Variants in BCAS3 observed in about 807,000 individuals in gnomAD.
BCAS3 encodes BCAS4/BCAS3 fusion.
Under a neutral mutation model 116.1 loss-of-function variants are expected in BCAS3, and 53 were observed. The ratio of observed to expected loss-of-function variants is 0.46; its 90% CI spans 0.37 to 0.57. The LOEUF is 0.57. Among genes scored for constraint, BCAS3 ranks in the 20% least tolerant of loss-of-function variants. BCAS3 has a pLI of 0.00. For synonymous variants in BCAS3, 391 were observed against 408.2 expected, an observed-to-expected ratio of 0.96 and a Z score of 0.51; for missense variants, 917 against 1,165.4, an observed-to-expected ratio of 0.79 and a Z score of 3.10.
chr17:60,869,008 T>A (rs1403885233), intron 8 of BCAS3, among the ~76,000 whole-genome samples: 1 of 152,346 alleles, frequency 6.6e-6, no homozygotes, highest in East Asian at 1.9e-4. Context: ...TGTAGCTTTT[T>A]ATATGTATTT....
At chr17:61,091,471 G>A (rs2143592994) in intron 22 of BCAS3, among the ~76,000 whole-genome samples, 1 of 152,318 alleles carries the variant, frequency 6.6e-6, no homozygotes, top group South Asian at 2.1e-4. Context: ...TGACATGAGT[G>A]TCAAAACTGT....
chr17:61,127,310 G>T (rs1434929889), intron 22 of BCAS3, among the ~76,000 whole-genome samples: 1 of 152,070 alleles, frequency 6.6e-6, no homozygotes, highest in East Asian at 1.9e-4. Flanking sequence ...TCACCACTGA[G>T]TTATTCTAGG....
chr17:60,892,977 G>C (rs1400040918), intron 10 of BCAS3, among the ~76,000 whole-genome samples: 2 of 152,034 alleles, frequency 1.3e-5, no homozygotes, highest in Non-Finnish European at 2.9e-5. Context: ...TGGTATCTTG[G>C]TGTGGTTTTA....
chr17:60,770,512 T>C (rs1196130939), intron 6 of BCAS3, among the ~76,000 whole-genome samples: 8 of 143,246 alleles, frequency 5.6e-5, no homozygotes, highest in Non-Finnish European at 9.1e-5. Flanking sequence ...TCCGACTCCC[T>C]GGTTGAAACG....
In BCAS3 at chr17:61,074,991, G is replaced by T; in HGVS notation, c.2101G>T (p.Gly701Ter). 1 of 1,612,990 alleles carries T rather than the reference G, an allele frequency of 6.2e-7. No individual in the cohort carries two copies. The highest frequency in any genetic ancestry group is 8.5e-7 in the Non-Finnish European group (1 of 1,179,286). ...CGACAGTTTAGCTTCTGACCATAGT[G>T]GACAGGAAGATGAAGAATGGCTTTC... is the stretch of plus-strand genomic sequence containing the variant. ...SYDSLASDHS[G>*]QEDEEWLSQV... Residue 701 changes from glycine (G) to a stop codon, truncating the protein, a stop_gained, in exon 20 of 24, where the codon GGA becomes TGA. Coordinates refer to ENST00000407086, the MANE Select transcript of BCAS3 (RefSeq NM_017679.5). LOFTEE classifies it high-confidence loss of function.
chr17:60,771,992 T>C (rs1320152601), intron 6 of BCAS3, among the ~76,000 whole-genome samples: 2 of 152,204 alleles, frequency 1.3e-5, no homozygotes, highest in Non-Finnish European at 2.9e-5. Context: ...TCTTTGCTCT[T>C]GTGAATAGTG....
At chr17:61,231,216 G>A (rs1464385504) in intron 22 of BCAS3, among the ~76,000 whole-genome samples, 1 of 151,972 alleles carries the variant, frequency 6.6e-6, no homozygotes, top group African/African-American at 2.4e-5. Flanking sequence ...GTGTTTGTTG[G>A]TTGCTTGTAG....
chr17:60,788,408 C>T (rs1012207922), intron 6 of BCAS3, among the ~76,000 whole-genome samples: 2 of 152,064 alleles, frequency 1.3e-5, no homozygotes, highest in African/African-American at 4.8e-5. Flanking sequence ...GCACAGGGAG[C>T]TGATTATCAA....
At chr17:60,759,228 A>G (rs6503992) in intron 6 of BCAS3, among the ~76,000 whole-genome samples, 110,456 of 152,182 alleles carry the variant, frequency 0.73, 45,799 homozygotes, top group South Asian at 0.98. Context: ...AACTTATTTA[A>G]TGGCCTTATA....
intron 22 of BCAS3, among the ~76,000 whole-genome samples, chr17:61,277,560 C>A (rs1472502506): frequency 6.6e-6 from 1 of 151,996 alleles, no homozygotes; most frequent in Non-Finnish European, 1.5e-5. Flanking sequence ...TAAAAAATGA[C>A]CCACAAAATG....
Position 61,088,205 on chromosome 17 carries a change from A to T in BCAS3, c.2425+3641A>T, listed in dbSNP as rs1227859443. 2.6e-5 allele frequency among the ~76,000 whole-genome samples: 4 copies of T among 152,198 alleles called. No homozygotes were observed. The East Asian group carries it at 7.7e-4, about 29-fold the overall frequency. On this transcript the variant is annotated intron_variant, in intron 22 of 23. Coordinates refer to ENST00000407086, the MANE Select transcript of BCAS3 (RefSeq NM_017679.5). This position sits in a 1 kb window ranked among gnomAD's most constrained non-coding sequence, Gnocchi z 4.2. ...TCAAAAAGACAAAACAAAACGAAAC[A>T]AAACAAAAACCATCCTACCTAAAAT... is the stretch of plus-strand genomic sequence containing the variant.
intron 22 of BCAS3, among the ~76,000 whole-genome samples, chr17:61,291,152 G>T (rs1036035993): frequency 9.2e-5 from 14 of 152,180 alleles, no homozygotes; most frequent in Admixed American, 7.2e-4. Flanking sequence ...TGTTTATTCA[G>T]CAAACATTTG....
In BCAS3 at chr17:61,084,067, T is replaced by A. The variant is rs143135862; in HGVS notation, c.2328-400T>A. Among the ~76,000 whole-genome samples the A allele has an allele frequency of 2.6e-3, 399 of 152,306 alleles. 3 individuals carry two copies. The highest frequency in any genetic ancestry group is 9.3e-3 in the African/African-American group (385 of 41,562). On this transcript the variant is annotated intron_variant, in intron 21 of 23. Transcript: ENST00000407086. This position sits in a 1 kb window ranked among gnomAD's most constrained non-coding sequence, Gnocchi z 5.5. ...GCCTTTTATGGAACACATTAATAGC[T>A]ATGGTGATATTAGTGAATTTCAGGA...
At chr17:60,936,817 C>G (rs9892919) in intron 13 of BCAS3, among the ~76,000 whole-genome samples, 45,870 of 151,972 alleles carry the variant, frequency 0.3, 11,313 homozygotes, top group African/African-American at 0.69. Context: ...GTTGCCTGTT[C>G]ACTCTGATGG....
At chr17:60,780,760 A>G (rs1460640061) in intron 6 of BCAS3, among the ~76,000 whole-genome samples, 1 of 152,212 alleles carries the variant, frequency 6.6e-6, no homozygotes. Flanking sequence ...TATAAATTAT[A>G]TCACAGCTTT....
At chr17:61,116,380 T>A (rs995322035) in intron 22 of BCAS3, among the ~76,000 whole-genome samples, 1 of 152,204 alleles carries the variant, frequency 6.6e-6, no homozygotes, top group Non-Finnish European at 1.5e-5. Flanking sequence ...TATCACTATT[T>A]CACCAATTTG....
At chr17:61,022,231 A>G (rs1008907724) in intron 16 of BCAS3, among the ~76,000 whole-genome samples, 1 of 151,794 alleles carries the variant, frequency 6.6e-6, no homozygotes, top group African/African-American at 2.4e-5. Flanking sequence ...TACCATATAT[A>G]TATTTTTTGT....
chr17:60,906,489 T>C (rs1461350573), intron 11 of BCAS3, among the ~76,000 whole-genome samples: 1 of 152,168 alleles, frequency 6.6e-6, no homozygotes, highest in Non-Finnish European at 1.5e-5. Context: ...GGCAGGGCTT[T>C]GACTCTCATA....
chr17:61,022,141 T>C (rs2065915002), intron 16 of BCAS3, among the ~76,000 whole-genome samples: 1 of 152,224 alleles, frequency 6.6e-6, no homozygotes, highest in Admixed American at 6.5e-5. Flanking sequence ...TGAGTTCCAA[T>C]TTTTCTGCTA....
Sources: allele counts gnomAD v4.1 joint callset (sites outside exome capture counted in the v4.1 genomes callset), GRCh38; gene constraint gnomAD v4.1.1; non-coding constraint Gnocchi (gnomAD v3.1); transcripts MANE v1.5; gene names NCBI Gene and HGNC (gene_info 2026-07-23, HGNC 2026-07-21).